The following BFSP2 variants were observed in gnomAD, a reference collection of about 807,000 sequenced individuals.
BFSP2 encodes the protein phakinin.
BFSP2 carries 38 observed loss-of-function variants against 44.9 expected under a neutral mutation model. That is an observed-to-expected ratio of 0.85 (90% CI 0.65 to 1.11). BFSP2 has a LOEUF of 1.11. BFSP2 is among the 50% of genes least tolerant of loss of function. The pLI, the probability that BFSP2 is intolerant of heterozygous loss-of-function variation, is 0.00. For synonymous variants in BFSP2, 197 were observed against 209.9 expected (o/e 0.94, Z 0.53); for missense variants, 525 against 533.0 (o/e 0.99, Z 0.15).
intron 4 of BFSP2, among the ~76,000 whole-genome samples, chr3:133,464,530 A>C (rs965023187): frequency 6.6e-6 from 1 of 152,362 alleles, no homozygotes; most frequent in East Asian, 1.9e-4. Context: ...GTATTTAACT[A>C]TTACTATTTA....
rs891311065 is a variant in BFSP2, at chr3:133,400,515, C to T, written c.432C>T (p.Ala144=). 1.6e-5 allele frequency: 26 copies of T among 1,613,748 alleles called. No individual in the cohort carries two copies. The highest frequency in any genetic ancestry group is 2.7e-5 in the African/African-American group (2 of 74,928). The part of the protein sequence containing the change: ...TQLRMHLESK[A]TRSGNWGALR... Reference sequence around the variant, plus strand: ...TGCGGATGCACCTGGAGAGCAAAGCCACACGCTCGGGAAACTGGGGTGCCC... The same window carrying T: ...TGCGGATGCACCTGGAGAGCAAAGCTACACGCTCGGGAAACTGGGGTGCCC... The change falls in exon 1 of 7, where the codon GCC becomes GCT. Residue 144 remains alanine (A), a synonymous_variant. Transcript: ENST00000302334. The surrounding 1 kb of genome is among the most constrained non-coding windows in gnomAD (Gnocchi z 4.0).
rs868816209 is a variant in BFSP2, at chr3:133,429,976, A to G, written c.490-17341A>G. Reference sequence around the variant, plus strand: ...TGTGTCCATGTGTTCTCATTGTTCAATTCCCACCTATGAGTGAGAACATGC... The same window carrying G: ...TGTGTCCATGTGTTCTCATTGTTCAGTTCCCACCTATGAGTGAGAACATGC... On this transcript the variant is annotated intron_variant, in intron 1 of 6. Coordinates refer to ENST00000302334, the MANE Select transcript of BFSP2 (RefSeq NM_003571.4). Among the ~76,000 whole-genome samples the G allele has an allele frequency of 1.1e-4, 17 of 148,574 alleles. No homozygotes were observed. In the Middle Eastern group the frequency reaches 0.024, roughly 208 times the overall value.
At chr3:133,408,268 A>T (rs2073420851) in intron 1 of BFSP2, among the ~76,000 whole-genome samples, 1 of 152,236 alleles carries the variant, frequency 6.6e-6, no homozygotes, top group Admixed American at 6.5e-5. Context: ...TAATGTCTCA[A>T]CTGCACTCAT....
chr3:133,423,854 G>A (rs1206765763), intron 1 of BFSP2, among the ~76,000 whole-genome samples: 1 of 152,086 alleles, frequency 6.6e-6, no homozygotes, highest in African/African-American at 2.4e-5. Flanking sequence ...CCTCCTGACT[G>A]CCAAAGCCAC....
chr3:133,450,188 T>C, intron 3 of BFSP2, 115 bp from the exon 4 acceptor site: 4 of 1,173,536 alleles, frequency 3.4e-6, no homozygotes, highest in Non-Finnish European at 5.0e-6. Flanking sequence ...AGCCTGTGTC[T>C]GGCAGTTGTG....
rs73861105 is a variant in BFSP2 at position 133,467,569 on chromosome 3, T to C, written c.1023+610T>C. 4.5e-3 allele frequency among the ~76,000 whole-genome samples: 692 copies of C among 152,310 alleles called. 6 individuals are homozygous for C. The highest frequency in any genetic ancestry group is 0.016 in the African/African-American group (662 of 41,560). ...GGAGAACCCAACCTGAGACATCTAG[T>C]AAGCTCTCAGACTCACTGGGATTTG... is the stretch of plus-strand genomic sequence containing the variant. On this transcript the variant is annotated intron_variant, in intron 5 of 6. Transcript: ENST00000302334.
intron 1 of BFSP2, among the ~76,000 whole-genome samples, chr3:133,444,265 AATG>A (rs1345304225): frequency 6.6e-6 from 1 of 152,136 alleles, no homozygotes; most frequent in Non-Finnish European, 1.5e-5. Flanking sequence ...GACAAATAAC[AATG>A]ATGATAATGG....
In BFSP2 at chr3:133,425,369, A is replaced by G. The variant is rs189069562; in HGVS notation, c.490-21948A>G. ...CGTGATGGATGTCAACCGTAGGTCAAACAGGAAGGACTCACGAAGTACAGT... is the reference window on the plus strand; with the variant it reads ...CGTGATGGATGTCAACCGTAGGTCAGACAGGAAGGACTCACGAAGTACAGT... On this transcript the variant is annotated intron_variant, in intron 1 of 6. Coordinates refer to ENST00000302334, the MANE Select transcript of BFSP2 (RefSeq NM_003571.4). Among the ~76,000 whole-genome samples, 9 of 152,304 alleles carry G rather than the reference A, an allele frequency of 5.9e-5. No individual in the cohort carries two copies. The East Asian group carries it at 1.7e-3, about 29-fold the overall frequency.
At chr3:133,451,154 T>C (rs1290734282) in intron 4 of BFSP2, among the ~76,000 whole-genome samples, 1 of 150,796 alleles carries the variant, frequency 6.6e-6, no homozygotes, top group East Asian at 1.9e-4. Flanking sequence ...ATAAATCATC[T>C]GTGTCCAAAT....
At chr3:133,422,454 G>GAGA (rs1253673361) in intron 1 of BFSP2, among the ~76,000 whole-genome samples, 3 of 152,144 alleles carry the variant, frequency 2.0e-5, no homozygotes, top group Non-Finnish European at 4.4e-5. Flanking sequence ...CTTCACTTCT[G>GAGA]TGTACCCTGA....
At chr3:133,453,924 G>A (rs1313177946) in intron 4 of BFSP2, among the ~76,000 whole-genome samples, 7 of 152,180 alleles carry the variant, frequency 4.6e-5, no homozygotes, top group African/African-American at 9.7e-5. Flanking sequence ...TTCCAGCTAT[G>A]GTGTTACGAA....
intron 1 of BFSP2, among the ~76,000 whole-genome samples, chr3:133,415,008 C>G (rs986954038): frequency 1.4e-5 from 2 of 142,572 alleles, no homozygotes; most frequent in Non-Finnish European, 3.1e-5. Flanking sequence ...GTCCTCTCTC[C>G]TCTACTCACC....
chr3:133,468,274 A>T (rs1005502915), intron 5 of BFSP2, among the ~76,000 whole-genome samples: 14 of 152,134 alleles, frequency 9.2e-5, no homozygotes, highest in African/African-American at 3.4e-4. Flanking sequence ...CAGGAGGTAG[A>T]CTTCGTGGTG....
At chr3:133,425,998 GGCA>G in intron 1 of BFSP2, among the ~76,000 whole-genome samples, 1 of 79,228 alleles carries the variant, frequency 1.3e-5, no homozygotes, top group African/African-American at 5.2e-5. Flanking sequence ...GGCAGGGCAG[GGCA>G]GGGAAAGGAA....
At chr3:133,407,311 A>G (rs1298501656) in intron 1 of BFSP2, among the ~76,000 whole-genome samples, 2 of 152,240 alleles carry the variant, frequency 1.3e-5, no homozygotes, top group Non-Finnish European at 2.9e-5. Context: ...TCACCTCTAA[A>G]CTTCAGAAAT....
intron 1 of BFSP2, among the ~76,000 whole-genome samples, chr3:133,431,048 A>G (rs756646712): frequency 1.5e-4 from 22 of 142,538 alleles, no homozygotes; most frequent in Middle Eastern, 3.6e-3. Context: ...GCTCTTTTTC[A>G]TCAAATATAA....
rs572443759 is a variant in BFSP2 at position 133,430,001 on chromosome 3, C to T, written c.490-17316C>T. 6.3e-4 allele frequency among the ~76,000 whole-genome samples: 95 copies of T among 150,166 alleles called. 6 individuals are homozygous for T. The highest frequency in any genetic ancestry group is 2.0e-3 in the African/African-American group (79 of 39,896). ...ATTCCCACCTATGAGTGAGAACATG[C>T]GGTGTTTGGTTTTTTGTCCTTGTGA... On this transcript the variant is annotated intron_variant, in intron 1 of 6. Coordinates refer to ENST00000302334, the MANE Select transcript of BFSP2 (RefSeq NM_003571.4).
intron 1 of BFSP2, among the ~76,000 whole-genome samples, chr3:133,438,430 G>C (rs569687736): frequency 6.6e-6 from 1 of 152,212 alleles, no homozygotes; most frequent in Non-Finnish European, 1.5e-5. Context: ...AGCTACTCAG[G>C]AGGCTGAGGC....
Position 133,468,199 on chromosome 3 carries a change from G to A in BFSP2, c.1023+1240G>A, listed in dbSNP as rs934720996. Among the ~76,000 whole-genome samples, 20 of 152,278 alleles carry A rather than the reference G, an allele frequency of 1.3e-4. No homozygotes were observed. The South Asian group carries it at 1.9e-3, about 14-fold the overall frequency. On this transcript the variant is annotated intron_variant, in intron 5 of 6. Coordinates refer to ENST00000302334, the MANE Select transcript of BFSP2 (RefSeq NM_003571.4). Reference sequence around the variant, plus strand: ...GCCTCCAAAGAGTTAATGTGGCTTCGGTGGAGGAGCTGATACAAATGTGAG... The same window carrying A: ...GCCTCCAAAGAGTTAATGTGGCTTCAGTGGAGGAGCTGATACAAATGTGAG...
Sources: gnomAD v4.1 joint callset for allele counts (sites outside exome capture counted in the v4.1 genomes callset) on GRCh38, gnomAD v4.1.1 for gene constraint, Gnocchi (gnomAD v3.1) non-coding constraint, MANE v1.5 for transcripts, NCBI Gene and HGNC (gene_info 2026-07-23, HGNC 2026-07-21) for gene names.